CGNL1: variants seen among roughly 807,000 people sequenced by gnomAD.
CGNL1 encodes the protein cingulin like 1, also known as cingulin-like protein 1.
In CGNL1, 132 loss-of-function variants were observed where a neutral mutation model predicts 141.2. The observed-to-expected ratio is 0.93, with a 90% CI of 0.81 to 1.08. CGNL1 has a LOEUF of 1.08. Among genes scored for constraint, CGNL1 ranks in the 50% least tolerant of loss-of-function variants. The pLI is 0.00. For missense variants in CGNL1, 1,870 were observed against 1,588.6 expected (o/e 1.18, Z -3.01); for synonymous variants, 690 against 622.1 (o/e 1.11, Z -1.63).
intron 1 of CGNL1, among the ~76,000 whole-genome samples, chr15:57,402,453 A>G (rs2062670644): frequency 6.6e-6 from 1 of 152,222 alleles, no homozygotes; most frequent in Non-Finnish European, 1.5e-5. Flanking sequence ...CTTTACACCA[A>G]TGCCAAATGG....
chr15:57,445,309 G>T (rs1295041028), intron 4 of CGNL1, among the ~76,000 whole-genome samples: 3 of 152,132 alleles, frequency 2.0e-5, no homozygotes, highest in African/African-American at 7.2e-5. Flanking sequence ...ATGAGAAAAT[G>T]AACCAAGACT....
In CGNL1 at chr15:57,546,159, G is replaced by A. The variant is rs1214952989; in HGVS notation, c.3693G>A (p.Lys1231=). 2.5e-6 allele frequency: 4 copies of A among 1,613,260 alleles called. No homozygotes were observed. Among genetic ancestry groups the A allele is most frequent in the Non-Finnish European group, 3.4e-6 (4 of 1,179,672 alleles). ...EIDRLESSKK[K]LQRELEEQMD... is the part of the protein sequence containing the mutation. The stretch of plus-strand genomic sequence containing the variant: ...ACAGACTGGAAAGTTCTAAAAAGAA[G>A]CTGCAGAGGGAGCTGGAGGAGCAGA... Residue 1231 remains lysine (K), a synonymous_variant, in exon 18 of 19, where the codon AAG becomes AAA. Transcript: ENST00000281282.
intron 8 of CGNL1, among the ~76,000 whole-genome samples, chr15:57,468,074 A>T (rs1010719960): frequency 6.6e-6 from 1 of 152,050 alleles, no homozygotes; most frequent in Non-Finnish European, 1.5e-5. Flanking sequence ...TGTTGGGGGA[A>T]GTCAGTGGGG....
intron 1 of CGNL1, among the ~76,000 whole-genome samples, chr15:57,431,664 C>G (rs1595696557): frequency 2.0e-5 from 3 of 152,208 alleles, no homozygotes; most frequent in African/African-American, 7.2e-5. Context: ...GCCTGTGGCC[C>G]AGGATGGCTT....
chr15:57,440,077 A>G (rs2063165751), intron 2 of CGNL1, among the ~76,000 whole-genome samples: 1 of 151,062 alleles, frequency 6.6e-6, no homozygotes. Context: ...TTTTGATAGT[A>G]ACAATAAAAA....
chr15:57,490,420 G>A (rs905332977), intron 8 of CGNL1, among the ~76,000 whole-genome samples: 7 of 151,998 alleles, frequency 4.6e-5, no homozygotes, highest in South Asian at 2.1e-4. Context: ...ACGCACGCAC[G>A]CGTGCGTGTG....
Position 57,439,634 on chromosome 15 carries a change from T to C in CGNL1, c.1602+33T>C, listed in dbSNP as rs747463399. Reference sequence around the variant, plus strand: ...TAGTGCGATTCCTGTTTGGTTTTTTTTCTCTTCCTTCTAAATAATGTAATG... The same window carrying C: ...TAGTGCGATTCCTGTTTGGTTTTTTCTCTCTTCCTTCTAAATAATGTAATG... On this transcript the variant is annotated intron_variant, in intron 2 of 18. Coordinates refer to ENST00000281282, the MANE Select transcript of CGNL1 (RefSeq NM_032866.5). The C allele has an allele frequency of 3.8e-6, 6 of 1,588,496 alleles. No individual in the cohort carries two copies. In the African/African-American group the frequency reaches 8.1e-5, roughly 21 times the overall value.
chr15:57,487,763 T>C (rs2063804444), intron 8 of CGNL1, among the ~76,000 whole-genome samples: 1 of 152,182 alleles, frequency 6.6e-6, no homozygotes, highest in African/African-American at 2.4e-5. Context: ...AGAGTTGCTG[T>C]AAAAGTTCAA....
At chr15:57,413,181 C>A (rs1231882068) in intron 1 of CGNL1, among the ~76,000 whole-genome samples, 2 of 150,730 alleles carry the variant, frequency 1.3e-5, no homozygotes, top group Non-Finnish European at 2.9e-5. Context: ...TTCTTTCTTT[C>A]TTTCTCTCTT....
chr15:57,376,757 C>T (rs1209396650), intron 1 of CGNL1, among the ~76,000 whole-genome samples, 190 bp downstream of exon 1: 1 of 151,382 alleles, frequency 6.6e-6, no homozygotes, highest in Non-Finnish European at 1.5e-5. Flanking sequence ...GCGACCCGGA[C>T]TCCCGCGCCG....
At chr15:57,486,610 A>C (rs2063788879) in intron 8 of CGNL1, among the ~76,000 whole-genome samples, 1 of 152,174 alleles carries the variant, frequency 6.6e-6, no homozygotes, top group South Asian at 2.1e-4. Context: ...CAGCTTGTCA[A>C]GGGTGACCTT....
intron 14 of CGNL1, among the ~76,000 whole-genome samples, chr15:57,540,965 C>G (rs577874567): frequency 1.1e-4 from 17 of 152,308 alleles, no homozygotes; most frequent in Admixed American, 7.2e-4. Context: ...GGTTGAGAGA[C>G]GGGGTGGCTG....
intron 8 of CGNL1, among the ~76,000 whole-genome samples, chr15:57,484,662 A>G (rs1484372253): frequency 6.6e-6 from 1 of 152,168 alleles, no homozygotes; most frequent in African/African-American, 2.4e-5. Context: ...ACCATCATCT[A>G]GGTTTTAAGC....
intron 8 of CGNL1, among the ~76,000 whole-genome samples, chr15:57,492,605 T>C (rs1430842122): frequency 6.6e-6 from 1 of 151,984 alleles, no homozygotes; most frequent in African/African-American, 2.4e-5. Flanking sequence ...TGTAGTCCAA[T>C]AATCTTGAAG....
intron 8 of CGNL1, among the ~76,000 whole-genome samples, chr15:57,487,445 G>C (rs1373396572): frequency 6.6e-6 from 1 of 152,140 alleles, no homozygotes; most frequent in African/African-American, 2.4e-5. Flanking sequence ...CATTTGGCCA[G>C]TACTGACATA....
intron 10 of CGNL1, among the ~76,000 whole-genome samples, chr15:57,519,486 C>G (rs2414511): frequency 0.23 from 34,235 of 152,096 alleles, 4,560 homozygotes; most frequent in East Asian, 0.45. Flanking sequence ...CTTGGGGACT[C>G]TCCCCCAAAA....
At chr15:57,540,186 G>C (rs1339159203) in intron 14 of CGNL1, among the ~76,000 whole-genome samples, 2 of 152,080 alleles carry the variant, frequency 1.3e-5, no homozygotes, top group African/African-American at 4.8e-5. Context: ...TTCCGGTTTT[G>C]AAAGCTGCAT....
intron 14 of CGNL1, among the ~76,000 whole-genome samples, chr15:57,534,264 T>C (rs2032123966): frequency 6.6e-6 from 1 of 152,216 alleles, no homozygotes; most frequent in Non-Finnish European, 1.5e-5. Flanking sequence ...TCATCTGAGA[T>C]AGGGAGGGTA....
intron 1 of CGNL1, among the ~76,000 whole-genome samples, chr15:57,414,130 A>G (rs2062823085): frequency 6.6e-6 from 1 of 152,208 alleles, no homozygotes; most frequent in South Asian, 2.1e-4. Flanking sequence ...AGCCTCAAGC[A>G]GAGGGGGCTG....
Sources: allele counts gnomAD v4.1 joint callset (sites outside exome capture counted in the v4.1 genomes callset), GRCh38; gene constraint gnomAD v4.1.1; transcripts MANE v1.5; gene names NCBI Gene and HGNC (gene_info 2026-07-23, HGNC 2026-07-21).